NFASC: variants seen among roughly 807,000 people sequenced by gnomAD.
NFASC encodes the protein neurofascin homolog.
Under a neutral mutation model 147.5 loss-of-function variants are expected in NFASC, and 43 were observed. That is an observed-to-expected ratio of 0.29 (90% CI 0.23 to 0.38). NFASC has a LOEUF of 0.38. Among genes scored for constraint, NFASC ranks in the 10% least tolerant of loss-of-function variants. The probability of loss-of-function intolerance (pLI) is 1.00; values close to 1 mark genes in which losing one functional copy is unlikely to be tolerated. For missense variants in NFASC, 1,320 were observed against 1,689.0 expected (o/e 0.78, Z 3.83); for synonymous variants, 622 against 665.5 (o/e 0.93, Z 1.01).
At chr1:204,930,103 AAG>A (rs143869027) in intron 2 of NFASC, among the ~76,000 whole-genome samples, 99 of 152,288 alleles carry the variant, frequency 6.5e-4, no homozygotes, top group Non-Finnish European at 1.3e-3. Context: ...CTCAGGATGA[AAG>A]AGAAAGGAAG....
chr1:204,866,421 T>C (rs1322960512), intron 1 of NFASC, among the ~76,000 whole-genome samples: 2 of 151,636 alleles, frequency 1.3e-5, no homozygotes, highest in Non-Finnish European at 2.9e-5. Context: ...AGGTCAGTTC[T>C]TAGGTAACCA....
At chr1:204,897,657 T>A (rs1387622074) in intron 1 of NFASC, among the ~76,000 whole-genome samples, 1 of 151,664 alleles carries the variant, frequency 6.6e-6, no homozygotes, top group Non-Finnish European at 1.5e-5. Context: ...CACTGCAGCC[T>A]CAACCTCCTG....
intron 27 of NFASC, 51 bp from the exon 28 acceptor site, chr1:205,009,506 C>T (rs1448549233): frequency 6.3e-7 from 1 of 1,598,120 alleles, no homozygotes; most frequent in East Asian, 2.2e-5. Flanking sequence ...CCCTCCTCAC[C>T]ATCTCCCCCA....
intron 2 of NFASC, among the ~76,000 whole-genome samples, chr1:204,941,687 A>C (rs933699142): frequency 5.9e-5 from 9 of 152,232 alleles, no homozygotes; most frequent in Admixed American, 5.9e-4. Context: ...TTTCTGCGAC[A>C]GTATAAGGAC....
At chr1:204,978,892 CT>C in intron 17 of NFASC, 75 bp from the exon 18 acceptor site, 1 of 1,147,238 alleles carries the variant, frequency 8.7e-7, no homozygotes, top group African/African-American at 1.5e-5. Context: ...CGTCAGGGAG[CT>C]GTCCAGGGCT....
intron 2 of NFASC, among the ~76,000 whole-genome samples, chr1:204,934,782 T>C (rs1573308475): frequency 1.3e-5 from 2 of 152,208 alleles, no homozygotes; most frequent in Admixed American, 6.5e-5. Flanking sequence ...TAGGAGATGG[T>C]AATTGGCTTA....
At chr1:204,982,306 C>T (rs893871662) in intron 21 of NFASC, among the ~76,000 whole-genome samples, 7 of 152,220 alleles carry the variant, frequency 4.6e-5, no homozygotes, top group South Asian at 4.1e-4. Context: ...GGCAGTGTTC[C>T]ATAGTCATCA....
At chr1:204,922,778 A>C (rs967684419) in intron 2 of NFASC, among the ~76,000 whole-genome samples, 1 of 152,216 alleles carries the variant, frequency 6.6e-6, no homozygotes, top group Non-Finnish European at 1.5e-5. Context: ...TAAAAAAGAC[A>C]TAAGACTGCA....
In NFASC at chr1:204,954,775, G is replaced by T; in HGVS notation, c.413-54G>T. On this transcript the variant is annotated intron_variant, in intron 6 of 29. Coordinates refer to ENST00000339876, the MANE Select transcript of NFASC (RefSeq NM_001005388.3). The surrounding 1 kb of genome is among the most constrained non-coding windows in gnomAD (Gnocchi z 5.7). ...ATGCCTGCCTCTGACCCTGCTCCTT[G>T]CCCCGGGCCCAGCCATCACCCTCAC... 6.2e-7 allele frequency: 1 copy of T among 1,601,474 alleles called. No individual in the cohort carries two copies. The highest frequency in any genetic ancestry group is 1.1e-5 in the South Asian group (1 of 90,082).
intron 1 of NFASC, among the ~76,000 whole-genome samples, chr1:204,887,682 G>A (rs138111756): frequency 7.5e-6 from 1 of 134,006 alleles, no homozygotes; most frequent in Non-Finnish European, 1.5e-5. Flanking sequence ...CTGTAGCTTC[G>A]AACTCCCAGG....
At chr1:204,949,045 C>T (rs996774191) in intron 3 of NFASC, among the ~76,000 whole-genome samples, 2 of 152,238 alleles carry the variant, frequency 1.3e-5, no homozygotes, top group African/African-American at 4.8e-5. Context: ...TAGATTTTTG[C>T]TTTCCCCCTG....
intron 1 of NFASC, among the ~76,000 whole-genome samples, chr1:204,836,883 T>G (rs188667810): frequency 1.3e-5 from 2 of 152,386 alleles, no homozygotes; most frequent in Admixed American, 6.5e-5. Context: ...TCGTTTTGTT[T>G]TTGTAAGATA....
chr1:204,868,915 G>A (rs2077341052), intron 1 of NFASC, among the ~76,000 whole-genome samples: 1 of 152,202 alleles, frequency 6.6e-6, no homozygotes, highest in African/African-American at 2.4e-5. Flanking sequence ...TTGCTGATAT[G>A]GAAAAGGGCT....
intron 1 of NFASC, among the ~76,000 whole-genome samples, chr1:204,856,127 A>G (rs2076132086): frequency 1.3e-5 from 2 of 151,990 alleles, no homozygotes; most frequent in Admixed American, 1.3e-4. Context: ...CCCTGCTTGT[A>G]AAAAGACTGA....
At chr1:204,919,498 G>A (rs941252249) in intron 1 of NFASC, among the ~76,000 whole-genome samples, 1 of 152,166 alleles carries the variant, frequency 6.6e-6, no homozygotes, top group Admixed American at 6.5e-5. Flanking sequence ...CTTGGAGATT[G>A]TAGGTATATA....
intron 8 of NFASC, among the ~76,000 whole-genome samples, chr1:204,965,372 C>G (rs555719459): frequency 2.6e-5 from 4 of 152,302 alleles, no homozygotes; most frequent in African/African-American, 9.6e-5. Flanking sequence ...TCAAAGCCAC[C>G]AGCTCTAGTA....
At chr1:204,952,315 G>A (rs1171960405) in intron 5 of NFASC, among the ~76,000 whole-genome samples, 199 bp downstream of exon 5, 1 of 152,160 alleles carries the variant, frequency 6.6e-6, no homozygotes, top group Admixed American at 6.5e-5. Flanking sequence ...AAAACAAGTG[G>A]CTTAAGTTCA....
At chr1:204,851,047 T>TA (rs1318769986) in intron 1 of NFASC, among the ~76,000 whole-genome samples, 4 of 151,946 alleles carry the variant, frequency 2.6e-5, no homozygotes, top group Non-Finnish European at 4.4e-5. Context: ...GTTTCAGTAC[T>TA]AAAAAAAAGT....
At chr1:204,860,111 C>CTG (rs1430667180) in intron 1 of NFASC, among the ~76,000 whole-genome samples, 1 of 152,172 alleles carries the variant, frequency 6.6e-6, no homozygotes, top group East Asian at 1.9e-4. Flanking sequence ...GAAGGGACAG[C>CTG]TCCTTCCCAG....
Sources: gnomAD v4.1 joint callset for allele counts (sites outside exome capture counted in the v4.1 genomes callset) on GRCh38, gnomAD v4.1.1 for gene constraint, Gnocchi (gnomAD v3.1) non-coding constraint, MANE v1.5 for transcripts, NCBI Gene and HGNC (gene_info 2026-07-23, HGNC 2026-07-21) for gene names.